Variants in POLR3B observed in about 807,000 individuals in gnomAD.
POLR3B encodes the protein DNA-directed RNA polymerase III subunit RPC2.
A neutral mutation model predicts 147.4 loss-of-function variants in POLR3B; 96 were observed. That is an observed-to-expected ratio of 0.65 (90% CI 0.55 to 0.77). POLR3B has a LOEUF of 0.77. POLR3B is among the 30% of genes least tolerant of loss of function. The pLI, the probability that POLR3B is intolerant of heterozygous loss-of-function variation, is 0.00. For missense variants in POLR3B, 1,036 were observed against 1,413.5 expected (o/e 0.73, Z 4.28); for synonymous variants, 461 against 485.9 (o/e 0.95, Z 0.67).
intron 23 of POLR3B, among the ~76,000 whole-genome samples, chr12:106,486,062 G>A (rs1321679785): frequency 2.0e-5 from 3 of 151,956 alleles, no homozygotes; most frequent in Non-Finnish European, 1.5e-5. Context: ...GGCCGAGGCG[G>A]GCAGATCACG....
At chr12:106,455,249 C>T (rs1362345365) in intron 20 of POLR3B, among the ~76,000 whole-genome samples, 2 of 152,172 alleles carry the variant, frequency 1.3e-5, no homozygotes, top group Non-Finnish European at 2.9e-5. Flanking sequence ...TTTCACAAGT[C>T]ACCACCTCGT....
chr12:106,481,872 A>G (rs1304779585), intron 23 of POLR3B, among the ~76,000 whole-genome samples: 2 of 152,216 alleles, frequency 1.3e-5, no homozygotes, highest in African/African-American at 4.8e-5. Flanking sequence ...ATAAAAAATG[A>G]GAAGGATTTT....
At position 106,453,078 on chromosome 12, in the gene POLR3B, G is replaced by A. The variant is rs145992701; in HGVS notation, c.2084-1424G>A. 4.6e-3 allele frequency among the ~76,000 whole-genome samples: 684 copies of A among 148,008 alleles called. 5 individuals are homozygous for A. Among genetic ancestry groups the A allele is most frequent in the African/African-American group, 0.016 (655 of 39,772 alleles). On this transcript the variant is annotated intron_variant, in intron 19 of 27. Transcript: ENST00000228347. ...CTTGCTCTATTGCCCAGGCTGGAGT[G>A]TAGTGGTATGATCTTAGCTCACTGC...
At chr12:106,506,980 G>A (rs3851635) in intron 27 of POLR3B, among the ~76,000 whole-genome samples, 39,064 of 152,062 alleles carry the variant, frequency 0.26, 6,400 homozygotes, top group East Asian at 0.69. Context: ...AGAGCAGTTC[G>A]GAACCTTGAA....
intron 1 of POLR3B, 114 bp downstream of exon 1, chr12:106,358,065 G>A: frequency 6.5e-7 from 1 of 1,548,180 alleles, no homozygotes; most frequent in South Asian, 1.2e-5. Flanking sequence ...GCATGCGCCG[G>A]GCTTCTGCGC....
At chr12:106,466,963 A>C (rs146165590) in intron 23 of POLR3B, among the ~76,000 whole-genome samples, 122 of 152,264 alleles carry the variant, frequency 8.0e-4, no homozygotes, top group Middle Eastern at 3.4e-3. Context: ...ATGAACTTTA[A>C]AGTAGTTTTC....
chr12:106,481,441 G>A (rs185696166), intron 23 of POLR3B, among the ~76,000 whole-genome samples: 4 of 152,274 alleles, frequency 2.6e-5, no homozygotes, highest in Admixed American at 1.3e-4. Context: ...CGCTCCTCAC[G>A]CTGCCTTTTG....
At position 106,475,521 on chromosome 12, in the gene POLR3B, C is replaced by T. The variant is rs1186281461; in HGVS notation, c.2713+11901C>T. On this transcript the variant is annotated intron_variant, in intron 23 of 27. Transcript: ENST00000228347. ...AGTCTAAGTCTCTTTGTAGGTCACTCAGGACTTGCTTTATGAATCTGGGTG... is the reference window on the plus strand; with the variant it reads ...AGTCTAAGTCTCTTTGTAGGTCACTTAGGACTTGCTTTATGAATCTGGGTG... 2.0e-5 allele frequency among the ~76,000 whole-genome samples: 2 copies of T among 101,736 alleles called. 1 individual carries two copies. The highest frequency in any genetic ancestry group is 3.8e-5 in the Non-Finnish European group (2 of 52,410). The allele number at this position is 101,736 out of a possible 152,430, so 66.7% of individuals were successfully genotyped here.
intron 23 of POLR3B, among the ~76,000 whole-genome samples, chr12:106,477,658 C>G (rs185029869): frequency 0.018 from 2,812 of 152,156 alleles, 87 homozygotes; most frequent in African/African-American, 0.064. Flanking sequence ...TTCTTTGACT[C>G]GGAAAGGGAA....
Position 106,510,002 on chromosome 12 carries a change from C to A in POLR3B, c.*453C>A. The A allele has an allele frequency of 6.1e-6, 1 of 162,916 alleles. No homozygotes were observed. The highest frequency in any genetic ancestry group is 1.3e-5 in the Non-Finnish European group (1 of 74,190). The allele number at this position is 162,916 out of a possible 1,614,324, so 10.1% of individuals were successfully genotyped here. A position where few individuals can be genotyped will look rare whatever the true frequency, so the allele number is the denominator to read the frequency against. On this transcript the variant is annotated 3_prime_UTR_variant, in exon 28 of 28. Coordinates refer to ENST00000228347, the MANE Select transcript of POLR3B (RefSeq NM_018082.6). ...GCCTGGCTTTTGTCGTGGTGGCTGGCTCGGATAAATTTTCCCAACAATTAA... is the reference window on the plus strand; with the variant it reads ...GCCTGGCTTTTGTCGTGGTGGCTGGATCGGATAAATTTTCCCAACAATTAA...
At chr12:106,375,464 C>T (rs939333559) in intron 6 of POLR3B, among the ~76,000 whole-genome samples, 20 of 152,038 alleles carry the variant, frequency 1.3e-4, no homozygotes, top group South Asian at 2.1e-4. Flanking sequence ...GTTGATTAGT[C>T]GCTCTCTCTC....
chr12:106,463,073 A>G (rs1014204205), intron 22 of POLR3B, among the ~76,000 whole-genome samples: 4 of 152,134 alleles, frequency 2.6e-5, no homozygotes, highest in African/African-American at 7.2e-5. Flanking sequence ...TTATGTGAAA[A>G]AAATTAATAA....
chr12:106,486,816 T>A (rs959083345), intron 23 of POLR3B, among the ~76,000 whole-genome samples: 1 of 152,244 alleles, frequency 6.6e-6, no homozygotes, highest in Non-Finnish European at 1.5e-5. Context: ...CTGGTCAGGC[T>A]TTAGTGGCCT....
intron 14 of POLR3B, 38 bp from the exon 15 acceptor site, chr12:106,432,280 A>C (rs2037520698): frequency 1.0e-5 from 16 of 1,589,380 alleles, no homozygotes; most frequent in Non-Finnish European, 1.4e-5. Flanking sequence ...TGTATTACTA[A>C]TGTTCATTCT....
chr12:106,499,446 A>C lies in POLR3B; in HGVS notation c.2985-1877A>C, dbSNP rs185562507. The stretch of plus-strand genomic sequence containing the variant: ...TTTATTTCAGTGACAAAATCTGAGA[A>C]GCACTGTTTAGTTGAAAATTCCCGA... On this transcript the variant is annotated intron_variant, in intron 25 of 27. Coordinates refer to ENST00000228347, the MANE Select transcript of POLR3B (RefSeq NM_018082.6). Among the ~76,000 whole-genome samples, 47 of 152,334 alleles carry C rather than the reference A, an allele frequency of 3.1e-4. No homozygotes were observed. In the East Asian group the frequency reaches 8.3e-3, roughly 27 times the overall value.
At chr12:106,404,375 G>A (rs1456018371) in intron 10 of POLR3B, among the ~76,000 whole-genome samples, 1 of 152,196 alleles carries the variant, frequency 6.6e-6, no homozygotes, top group East Asian at 1.9e-4. Flanking sequence ...TTACAGGCAT[G>A]AGCCACCACA....
intron 10 of POLR3B, among the ~76,000 whole-genome samples, chr12:106,396,294 C>G (rs1012618566): frequency 1.3e-5 from 2 of 152,196 alleles, no homozygotes; most frequent in Non-Finnish European, 2.9e-5. Flanking sequence ...ACTCATGGTT[C>G]CTGCCAACTG....
chr12:106,413,227 C>T (rs1283561198), intron 12 of POLR3B, among the ~76,000 whole-genome samples: 1 of 151,866 alleles, frequency 6.6e-6, no homozygotes, highest in Non-Finnish European at 1.5e-5. Flanking sequence ...TCTTGATTTC[C>T]CCAATGTTTT....
intron 9 of POLR3B, among the ~76,000 whole-genome samples, chr12:106,390,536 C>T (rs1250298897): frequency 2.6e-5 from 4 of 151,226 alleles, no homozygotes; most frequent in Non-Finnish European, 5.9e-5. Context: ...GGATTGCTAT[C>T]TTTTAATCCA....
Sources: allele counts gnomAD v4.1 joint callset (sites outside exome capture counted in the v4.1 genomes callset), GRCh38; gene constraint gnomAD v4.1.1; transcripts MANE v1.5; gene names NCBI Gene and HGNC (gene_info 2026-07-23, HGNC 2026-07-21).